SLC25A48: variants seen among roughly 807,000 people sequenced by gnomAD.
SLC25A48 encodes the protein CTC-321K16.1.
Under a neutral mutation model 32.2 loss-of-function variants are expected in SLC25A48, and 29 were observed. The ratio of observed to expected loss-of-function variants is 0.90; its 90% CI spans 0.67 to 1.23. SLC25A48 has a LOEUF of 1.23. SLC25A48 is among the 50% of genes most tolerant of loss of function. The probability of loss-of-function intolerance (pLI) is 0.00; values close to 1 mark genes in which losing one functional copy is unlikely to be tolerated. For missense variants in SLC25A48, 399 were observed against 422.7 expected, an observed-to-expected ratio of 0.94 and a Z score of 0.49; for synonymous variants, 164 against 172.3, an observed-to-expected ratio of 0.95 and a Z score of 0.38.
chr5:135,817,248 A>G (rs1461820861), intron 4 of SLC25A48, among the ~76,000 whole-genome samples: 1 of 152,232 alleles, frequency 6.6e-6, no homozygotes, highest in Non-Finnish European at 1.5e-5. Context: ...TAAACATCCA[A>G]CAGTGCACAG....
At chr5:135,683,884 T>C (rs1042144940) in intron 3 of SLC25A48, among the ~76,000 whole-genome samples, 2 of 152,038 alleles carry the variant, frequency 1.3e-5, no homozygotes, top group Admixed American at 6.6e-5. Flanking sequence ...AGTTTTGAAA[T>C]GGACAAGAAG....
At position 135,599,232 on chromosome 5, in the gene SLC25A48, C is replaced by T. The variant is rs144424895; in HGVS notation, c.-849+19635C>T. 1.5e-3 allele frequency among the ~76,000 whole-genome samples: 226 copies of T among 152,228 alleles called. 1 individual carries two copies. Among genetic ancestry groups the T allele is most frequent in the African/African-American group, 5.1e-3 (210 of 41,530 alleles). On this transcript the variant is annotated intron_variant, in intron 1 of 10. Transcript: ENST00000646290. Reference sequence around the variant, plus strand: ...AGATGGACAGTGTGGCTGCCTTCTCCCTGGCCTCCCAGCTTCCAAGCTTAT... The same window carrying T: ...AGATGGACAGTGTGGCTGCCTTCTCTCTGGCCTCCCAGCTTCCAAGCTTAT...
chr5:135,866,793 C>G (rs542903056), intron 4 of SLC25A48, among the ~76,000 whole-genome samples: 3 of 152,208 alleles, frequency 2.0e-5, no homozygotes, highest in Admixed American at 2.0e-4. Flanking sequence ...CCACTTCCTA[C>G]GGCAGTGGGT....
chr5:135,790,247 C>A (rs1004888443), intron 3 of SLC25A48, among the ~76,000 whole-genome samples: 5 of 151,604 alleles, frequency 3.3e-5, no homozygotes, highest in Admixed American at 3.3e-4. Context: ...TGTGTGTACA[C>A]CCTGTGGGGT....
At chr5:135,705,658 G>T (rs1180887185) in intron 3 of SLC25A48, among the ~76,000 whole-genome samples, 1 of 152,180 alleles carries the variant, frequency 6.6e-6, no homozygotes, top group African/African-American at 2.4e-5. Context: ...TAGTTGGCTG[G>T]AGTCAACCTT....
rs1753396844 is a variant in SLC25A48 at position 135,661,533 on chromosome 5, C to T, written c.-521+26577C>T. ...GCCACCTTCCAGGCATTAAATCCCACAAAAAACATGGCCTCCTTGTGAAAA... is the reference window on the plus strand; with the variant it reads ...GCCACCTTCCAGGCATTAAATCCCATAAAAAACATGGCCTCCTTGTGAAAA... On this transcript the variant is annotated intron_variant, in intron 3 of 10. Coordinates refer to the SLC25A48 transcript ENST00000646290. Among the ~76,000 whole-genome samples, 3 of 152,104 alleles carry T rather than the reference C, an allele frequency of 2.0e-5. No homozygotes were observed. The South Asian group carries it at 6.2e-4, about 32-fold the overall frequency.
intron 3 of SLC25A48, among the ~76,000 whole-genome samples, chr5:135,653,120 C>A (rs1385074985): frequency 6.6e-6 from 1 of 152,222 alleles, no homozygotes; most frequent in Admixed American, 6.5e-5. Flanking sequence ...GATGCTGGCA[C>A]CCTGATCTTG....
rs1018819446 is a variant in SLC25A48, at chr5:135,616,350, G to T, written c.-848-12887G>T. ...TCTTGAGAGCAGCCATGGACACTGA[G>T]CCCTGCAGAACCACAGGAACAGAGC... On this transcript the variant is annotated intron_variant, in intron 1 of 10. Transcript: ENST00000646290. Among the ~76,000 whole-genome samples, 5 of 152,314 alleles carry T rather than the reference G, an allele frequency of 3.3e-5. No individual in the cohort carries two copies. The East Asian group carries it at 9.7e-4, about 29-fold the overall frequency.
intron 3 of SLC25A48, among the ~76,000 whole-genome samples, chr5:135,683,609 A>G (rs896244752): frequency 1.3e-5 from 2 of 152,234 alleles, no homozygotes; most frequent in African/African-American, 4.8e-5. Context: ...GGTGGTCAGC[A>G]GCACCAAGGC....
chr5:135,655,353 C>G (rs975464600), intron 3 of SLC25A48, among the ~76,000 whole-genome samples: 2 of 152,164 alleles, frequency 1.3e-5, no homozygotes, highest in African/African-American at 4.8e-5. Context: ...TGCTCCCTGT[C>G]TCAAGGATGA....
At position 135,874,042 on chromosome 5, in the gene SLC25A48, C is replaced by T. The variant is rs894996214; in HGVS notation, c.701C>T (p.Ala234Val). The T allele has an allele frequency of 6.5e-6, 10 of 1,531,986 alleles. No individual in the cohort carries two copies. Among genetic ancestry groups the T allele is most frequent in the Middle Eastern group, 3.4e-4 (2 of 5,968 alleles). 94.9% of individuals were successfully genotyped at this position (1,531,986 alleles called of 1,614,324 possible). A position where few individuals can be genotyped will look rare whatever the true frequency, so the allele number is the denominator to read the frequency against. Residue 234 changes from alanine to valine, a missense_variant, in exon 6 of 8, where the codon GCG (alanine) becomes GTG (valine). Coordinates refer to ENST00000681962, the MANE Select transcript of SLC25A48 (RefSeq NM_001349336.2). ...GMAGAISWGT[A>V]TPMDVVKSRL... ...GCAGGAGCAATTTCTTGGGGGACAG[C>T]GACTCCTATGGATGTCGTGAAAAGT...
At chr5:135,795,863 A>G (rs1757157064) in intron 3 of SLC25A48, among the ~76,000 whole-genome samples, 1 of 144,754 alleles carries the variant, frequency 6.9e-6, no homozygotes, top group African/African-American at 2.6e-5. Context: ...GGAGTTGTAC[A>G]TCCCCGATGA....
At chr5:135,662,107 C>A (rs1331850336) in intron 3 of SLC25A48, among the ~76,000 whole-genome samples, 2 of 152,170 alleles carry the variant, frequency 1.3e-5, no homozygotes, top group Non-Finnish European at 2.9e-5. Flanking sequence ...AAGCTATGAA[C>A]AAGCTGTTTG....
In SLC25A48 at chr5:135,647,448, T is replaced by C. The variant is rs371422414; in HGVS notation, c.-521+12492T>C. Among the ~76,000 whole-genome samples the C allele has an allele frequency of 2.0e-4, 31 of 152,134 alleles. 1 individual carries two copies. The highest frequency in any genetic ancestry group is 7.5e-4 in the African/African-American group (31 of 41,428). On this transcript the variant is annotated intron_variant, in intron 3 of 10. Coordinates refer to the SLC25A48 transcript ENST00000646290. ...ATGGGGCCATGGCACAACCAGAGCT[T>C]GGGGATGTTATCAGTGACTTTGCTC...
intron 3 of SLC25A48, among the ~76,000 whole-genome samples, chr5:135,648,290 T>A (rs1465281313): frequency 2.0e-5 from 3 of 152,196 alleles, no homozygotes; most frequent in African/African-American, 7.2e-5. Context: ...GTGCAGCAGA[T>A]GCTTTCAGCA....
chr5:135,677,472 A>G (rs1753798532), intron 3 of SLC25A48, among the ~76,000 whole-genome samples: 1 of 151,964 alleles, frequency 6.6e-6, no homozygotes, highest in Non-Finnish European at 1.5e-5. Context: ...TTCCTATCAT[A>G]TTGTTAATTG....
At chr5:135,760,249 C>A (rs974050633) in intron 3 of SLC25A48, among the ~76,000 whole-genome samples, 1 of 152,250 alleles carries the variant, frequency 6.6e-6, no homozygotes, top group South Asian at 2.1e-4. Context: ...AGTGCATATA[C>A]GTGCATATAT....
chr5:135,841,647 G>A (rs556585133), intron 1 of SLC25A48, among the ~76,000 whole-genome samples: 7 of 151,960 alleles, frequency 4.6e-5, no homozygotes, highest in African/African-American at 1.7e-4. Context: ...GAAATGACAG[G>A]ACAAAGAAAA....
At chr5:135,785,282 G>A (rs551260319) in intron 3 of SLC25A48, among the ~76,000 whole-genome samples, 1 of 152,210 alleles carries the variant, frequency 6.6e-6, no homozygotes, top group African/African-American at 2.4e-5. Context: ...ATGGAACGGG[G>A]GATGGAACAC....
Sources: allele counts gnomAD v4.1 joint callset (sites outside exome capture counted in the v4.1 genomes callset), GRCh38; gene constraint gnomAD v4.1.1; transcripts MANE v1.5; gene names NCBI Gene and HGNC (gene_info 2026-07-23, HGNC 2026-07-21).